NAF1: variants seen among roughly 807,000 people sequenced by gnomAD.
The protein encoded by NAF1 is nuclear assembly factor 1 ribonucleoprotein.
Under a neutral mutation model 40.6 loss-of-function variants are expected in NAF1, and 11 were observed. That is an observed-to-expected ratio of 0.27 (90% CI 0.17 to 0.45). The LOEUF is 0.45. Among genes scored for constraint, NAF1 ranks in the 20% least tolerant of loss-of-function variants. The pLI is 1.00. For synonymous variants in NAF1, 260 were observed against 228.5 expected, an observed-to-expected ratio of 1.14 and a Z score of -1.24; for missense variants, 607 against 611.1, an observed-to-expected ratio of 0.99 and a Z score of 0.07.
chr4:163,128,870 C>A lies in NAF1; in HGVS notation c.*27G>T. The A allele has an allele frequency of 1.4e-6, 2 of 1,437,934 alleles. No homozygotes were observed. Among genetic ancestry groups the A allele is most frequent in the East Asian group, 2.6e-5 (1 of 39,068 alleles). 89.1% of individuals were successfully genotyped at this position (1,437,934 alleles called of 1,614,324 possible). A position where few individuals can be genotyped will look rare whatever the true frequency, so the allele number is the denominator to read the frequency against. On this transcript the variant is annotated 3_prime_UTR_variant, in exon 8 of 8. Coordinates refer to ENST00000274054, the MANE Select transcript of NAF1 (RefSeq NM_138386.3). ...TCCTTACCACATAATATGAAAAGTC[C>A]ACATTTCTCTGGAAATGCATAGTCA...
In NAF1 at chr4:163,128,924, A is replaced by C. The variant is rs1419906926; in HGVS notation, c.1458T>G (p.Ser486Arg). 6.7e-7 allele frequency: 1 copy of C among 1,500,250 alleles called. No individual in the cohort carries two copies. Among genetic ancestry groups the C allele is most frequent in the African/African-American group, 1.5e-5 (1 of 68,260 alleles). 92.9% of individuals were successfully genotyped at this position (1,500,250 alleles called of 1,614,324 possible). The part of the protein sequence containing the change: ...PLPPPPSSGD[S>R]NSHFGPYY ...AATAGTAAGGTCCAAAATGAGAATT[A>C]CTATCTCCAGAAGAGGGTGGAGGAG... The change falls in exon 8 of 8, where the codon AGT (serine) becomes AGG (arginine). Residue 486 changes from serine to arginine, a missense_variant. This residue lies in a region of NAF1 where 189 missense variants were observed against 216.6 expected (regional missense o/e 0.87). Transcript: ENST00000274054.
chr4:163,166,289 C>A, intron 1 of NAF1, 74 bp downstream of exon 1: 2 of 1,500,300 alleles, frequency 1.3e-6, no homozygotes, highest in Non-Finnish European at 1.8e-6. Context: ...AACCTCTAGG[C>A]TCCTAGGCCC....
intron 4 of NAF1, among the ~76,000 whole-genome samples, chr4:163,140,711 C>T (rs1360489795): frequency 6.6e-6 from 1 of 152,068 alleles, no homozygotes; most frequent in Admixed American, 6.5e-5. Context: ...GCTCATTTAA[C>T]TTGTAAAGTA....
At chr4:163,124,790 T>C (rs1309553624), downstream of NAF1, among the ~76,000 whole-genome samples, 5 of 152,196 alleles carry the variant, frequency 3.3e-5, no homozygotes, top group African/African-American at 1.2e-4. Flanking sequence ...AGTCAGATAA[T>C]ACTACAGGCA....
chr4:163,156,796 T>C (rs1171057811), intron 2 of NAF1, among the ~76,000 whole-genome samples: 1 of 152,150 alleles, frequency 6.6e-6, no homozygotes, highest in Non-Finnish European at 1.5e-5. Flanking sequence ...AAATGGAGAT[T>C]TGTGATAAAT....
chr4:163,163,364 G>C (rs1560810157), intron 2 of NAF1, among the ~76,000 whole-genome samples: 1 of 152,126 alleles, frequency 6.6e-6, no homozygotes, highest in African/African-American at 2.4e-5. Context: ...CTGAGTGCCT[G>C]TAGGCTTTAA....
At chr4:163,119,373 CTT>C (rs1213911128) in intron 2 of NAF1, 3 of 152,160 alleles carry the variant, frequency 2.0e-5, no homozygotes, top group Admixed American at 6.5e-5. Context: ...ATGACGGACT[CTT>C]TGTCTCCAGC....
intron 2 of NAF1, among the ~76,000 whole-genome samples, chr4:163,111,193 A>C (rs1730150586): frequency 6.6e-6 from 1 of 152,190 alleles, no homozygotes; most frequent in Admixed American, 6.5e-5. Context: ...GGTGTTAAAA[A>C]AATAGGTGAA....
chr4:163,150,889 G>A (rs1485618405), intron 2 of NAF1, among the ~76,000 whole-genome samples: 1 of 152,032 alleles, frequency 6.6e-6, no homozygotes, highest in Non-Finnish European at 1.5e-5. Context: ...CACAATGTAT[G>A]AGAGATTTCC....
chr4:163,111,383 T>C (rs1730154405), intron 2 of NAF1, among the ~76,000 whole-genome samples: 1 of 152,140 alleles, frequency 6.6e-6, no homozygotes, highest in Non-Finnish European at 1.5e-5. Flanking sequence ...GAGCATAAAG[T>C]AAAAGTAATA....
At chr4:163,134,071 C>T (rs1730968597) in intron 6 of NAF1, among the ~76,000 whole-genome samples, 1 of 152,040 alleles carries the variant, frequency 6.6e-6, no homozygotes, top group South Asian at 2.1e-4. Flanking sequence ...CTCACATTAA[C>T]TAATTATTAG....
chr4:163,109,760 G>A (rs930359671), downstream of NAF1, among the ~76,000 whole-genome samples: 4 of 152,176 alleles, frequency 2.6e-5, no homozygotes, highest in African/African-American at 9.6e-5. Context: ...ATTTTGCACA[G>A]AAAGGTGTCT....
chr4:163,104,214 G>C, the NAF1 span, among the ~76,000 whole-genome samples: 10,195 of 152,174 alleles, frequency 0.067, 407 homozygotes, highest in Non-Finnish European at 0.09. Context: ...GGCAGGAACC[G>C]GCCGTTTCCA....
In NAF1 at chr4:163,129,036, A is replaced by G; in HGVS notation, c.1346T>C (p.Met449Thr). The G allele has an allele frequency of 9.7e-7, 1 of 1,030,566 alleles. No individual in the cohort carries two copies. The highest frequency in any genetic ancestry group is 1.3e-6 in the Non-Finnish European group (1 of 776,476). 63.8% of individuals were successfully genotyped at this position (1,030,566 alleles called of 1,614,324 possible). Reference protein sequence around the residue: ...PPPPPPPPVNMGWATPNMAAH... With the variant: ...PPPPPPPPVNTGWATPNMAAH... ...AGCCATGTTTGGTGTAGCCCAACCC[A>G]TGTTTACAGGTGGGGGTGGTGGTGG... is the stretch of plus-strand genomic sequence containing the variant. Residue 449 changes from methionine to threonine, a missense_variant, in exon 8 of 8, where the codon ATG (methionine) becomes ACG (threonine). By Grantham distance (81) the Met-to-Thr change is moderately conservative. Around this residue, in one of 3 missense-constraint regions of NAF1, gnomAD observed 189 missense variants for 216.6 expected, o/e 0.87. Coordinates refer to ENST00000274054, the MANE Select transcript of NAF1 (RefSeq NM_138386.3).
chr4:163,120,974 C>A (rs1447394867), intron 2 of NAF1, among the ~76,000 whole-genome samples: 1 of 152,134 alleles, frequency 6.6e-6, no homozygotes, highest in Non-Finnish European at 1.5e-5. Flanking sequence ...TCACTGCAAC[C>A]TCCGCCTCTC....
At chr4:163,110,480 G>A (rs1257831091) in intron 2 of NAF1, among the ~76,000 whole-genome samples, 2 of 151,988 alleles carry the variant, frequency 1.3e-5, no homozygotes, top group Non-Finnish European at 2.9e-5. Context: ...GTATATATAG[G>A]GTTCGCTACT....
chr4:163,148,268 G>T, intron 3 of NAF1, 73 bp downstream of exon 3: 1 of 883,846 alleles, frequency 1.1e-6, no homozygotes, highest in Non-Finnish European at 1.7e-6. Context: ...AAATTTACTA[G>T]TCATAAAAGT....
chr4:163,107,978 G>C (rs1034252993), downstream of NAF1, among the ~76,000 whole-genome samples: 1 of 152,142 alleles, frequency 6.6e-6, no homozygotes, highest in Non-Finnish European at 1.5e-5. Flanking sequence ...TACAGGAATT[G>C]AAACATCAGA....
chr4:163,161,981 C>T (rs1732243952), intron 2 of NAF1, among the ~76,000 whole-genome samples: 1 of 152,162 alleles, frequency 6.6e-6, no homozygotes, highest in East Asian at 1.9e-4. Flanking sequence ...CATTTTCCTA[C>T]ACATGCTCTC....
Sources: allele counts gnomAD v4.1 joint callset (sites outside exome capture counted in the v4.1 genomes callset), GRCh38; gene constraint gnomAD v4.1.1; regional missense constraint gnomAD v4.1.1; transcripts MANE v1.5; gene names NCBI Gene and HGNC (gene_info 2026-07-23, HGNC 2026-07-21).